FBXO7: variants seen among roughly 807,000 people sequenced by gnomAD.
FBXO7 encodes the protein F-box protein 7, also known as F-box only protein 7.
Under a neutral mutation model 50.2 loss-of-function variants are expected in FBXO7, and 31 were observed. The ratio of observed to expected loss-of-function variants is 0.62; its 90% CI spans 0.46 to 0.83. The LOEUF is 0.83. FBXO7 is among the 40% of genes least tolerant of loss of function. FBXO7 has a pLI of 0.00. For synonymous variants in FBXO7, 256 were observed against 253.1 expected, an observed-to-expected ratio of 1.01 and a Z score of -0.11; for missense variants, 667 against 646.6, an observed-to-expected ratio of 1.03 and a Z score of -0.34.
intron 1 of FBXO7, chr22:32,475,667 T>G: frequency 2.1e-6 from 1 of 466,558 alleles, no homozygotes; most frequent in Non-Finnish European, 3.7e-6. Context: ...AATTTTAGAT[T>G]CTGTTGTGTT....
chr22:32,496,806 A>G (rs116258054), intron 8 of FBXO7, among the ~76,000 whole-genome samples: 1,824 of 152,342 alleles, frequency 0.012, 46 homozygotes, highest in African/African-American at 0.042. Flanking sequence ...TAAGAAATAC[A>G]TTTTGTCAGG....
chr22:32,479,851 A>C (rs1454890369), intron 2 of FBXO7, among the ~76,000 whole-genome samples: 1 of 152,138 alleles, frequency 6.6e-6, no homozygotes, highest in Non-Finnish European at 1.5e-5. Flanking sequence ...TCCTAAGCTC[A>C]TGATTCCTAG....
chr22:32,476,685 G>GT (rs143664909), intron 1 of FBXO7, among the ~76,000 whole-genome samples: 21,188 of 152,094 alleles, frequency 0.14, 1,952 homozygotes, highest in Non-Finnish European at 0.22. Flanking sequence ...TTTTGTTTTT[G>GT]TTTTTTAAGA....
Position 32,491,133 on chromosome 22 carries a change from C to G in FBXO7, c.919C>G (p.Leu307Val), listed in dbSNP as rs1448196696. 1.2e-6 allele frequency: 2 copies of G among 1,613,374 alleles called. No homozygotes were observed. The highest frequency in any genetic ancestry group is 1.7e-6 in the Non-Finnish European group (2 of 1,179,494). Reference protein sequence around the residue: ...IYKDLQKLSRLFKDQLVYPLL... With the variant: ...IYKDLQKLSRVFKDQLVYPLL... The stretch of plus-strand genomic sequence containing the variant: ...CAAAGATCTTCAGAAACTCTCTCGC[C>G]TCTTTAAAGACCAGCTGGTGTATCC... Residue 307 changes from leucine to valine, a missense_variant, in exon 6 of 9, where the codon CTC becomes GTC. Physicochemically the swap from Leu to Val is conservative, Grantham distance 32. Coordinates refer to ENST00000266087, the MANE Select transcript of FBXO7 (RefSeq NM_012179.4).
chr22:32,484,427 G>C (rs1161497052), intron 3 of FBXO7, among the ~76,000 whole-genome samples: 1 of 152,176 alleles, frequency 6.6e-6, no homozygotes, highest in East Asian at 1.9e-4. Flanking sequence ...TCATACTCCT[G>C]CATAATACCA....
intron 1 of FBXO7, chr22:32,478,067 G>C (rs1035682832): frequency 6.6e-6 from 1 of 152,294 alleles, no homozygotes; most frequent in Non-Finnish European, 1.5e-5. Context: ...AGATCTGGAA[G>C]AACAAACGGA....
chr22:32,475,253 G>C, intron 1 of FBXO7, 129 bp downstream of exon 1: 1 of 1,544,818 alleles, frequency 6.5e-7, no homozygotes, highest in Non-Finnish European at 8.7e-7. Context: ...GTGCGGGGAC[G>C]CCGGGGGGGC....
intron 2 of FBXO7, among the ~76,000 whole-genome samples, chr22:32,480,643 T>C (rs983298573): frequency 6.6e-6 from 1 of 152,086 alleles, no homozygotes; most frequent in African/African-American, 2.4e-5. Flanking sequence ...TTATCTTTAT[T>C]GCCTTGTACA....
rs750069504 is a variant in FBXO7, at chr22:32,479,023, C to G, written c.165C>G (p.Pro55=). ...CAATTACATTGAACTACAAGGATCC[C>G]CTCACTGGAGATGAAGAGACCTTGG... ...RFTITLNYKD[P]LTGDEETLAS... The change falls in exon 2 of 9, where the codon CCC becomes CCG. Residue 55 remains proline, a synonymous_variant. Transcript: ENST00000266087. The G allele has an allele frequency of 2.5e-6, 4 of 1,614,184 alleles. No homozygotes were observed. The South Asian group carries it at 4.4e-5, about 18-fold the overall frequency.
At chr22:32,487,115 C>T (rs1181848323) in intron 4 of FBXO7, among the ~76,000 whole-genome samples, 2 of 152,222 alleles carry the variant, frequency 1.3e-5, no homozygotes, top group South Asian at 2.1e-4. Flanking sequence ...GGCAGCCAGC[C>T]GTTCCAGGAT....
intron 8 of FBXO7, among the ~76,000 whole-genome samples, chr22:32,497,521 T>G (rs1295560424): frequency 1.3e-5 from 2 of 152,246 alleles, no homozygotes. Flanking sequence ...TGCCACATTT[T>G]CTTTATCAGT....
At position 32,474,951 on chromosome 22, in the gene FBXO7, C is replaced by A; in HGVS notation, c.-52C>A. 1 of 1,497,122 alleles carries A rather than the reference C, an allele frequency of 6.7e-7. No individual in the cohort carries two copies. The highest frequency in any genetic ancestry group is 8.9e-7 in the Non-Finnish European group (1 of 1,125,538). 92.7% of individuals were successfully genotyped at this position (1,497,122 alleles called of 1,614,324 possible). A position where few individuals can be genotyped will look rare whatever the true frequency, so the allele number is the denominator to read the frequency against. On this transcript the variant is annotated 5_prime_UTR_variant, in exon 1 of 9. Transcript: ENST00000266087. ...GGCGGGAGCTGCTCGGCCCCGCCGC[C>A]GTCCCCGTCGCCGCTTCCGGGTCCA...
At chr22:32,494,846 TGTA>T (rs2057562116) in intron 7 of FBXO7, among the ~76,000 whole-genome samples, 1 of 152,264 alleles carries the variant, frequency 6.6e-6, no homozygotes. Flanking sequence ...TCCATGCTAA[TGTA>T]GTAACTTGTA....
chr22:32,494,897 CTTAAAG>C (rs2057562636), intron 7 of FBXO7, among the ~76,000 whole-genome samples: 1 of 152,146 alleles, frequency 6.6e-6, no homozygotes, highest in Non-Finnish European at 1.5e-5. Flanking sequence ...CTTTTGTATA[CTTAAAG>C]TTGAATGGGT....
In FBXO7 at chr22:32,498,414, G is replaced by A. The variant is rs141286570; in HGVS notation, c.1453G>A (p.Val485Ile). 7.2e-4 allele frequency: 1,162 copies of A among 1,614,182 alleles called. 2 individuals are homozygous for A. Among genetic ancestry groups the A allele is most frequent in the Non-Finnish European group, 9.3e-4 (1,096 of 1,180,026 alleles). ...TCCACTGAGACCACGCTTTGATCCA[G>A]TTGGCCCACTTCCAGGACCTAACCC... The part of the protein sequence containing the change: ...FPPLRPRFDP[V>I]GPLPGPNPIL... Residue 485 changes from valine to isoleucine, a missense_variant, in exon 9 of 9, where the codon GTT (valine) becomes ATT (isoleucine). Val to Ile is a conservative substitution (Grantham distance 29). Transcript: ENST00000266087.
chr22:32,474,950 C>G lies in FBXO7; in HGVS notation c.-53C>G. The G allele has an allele frequency of 1.3e-6, 2 of 1,495,682 alleles. No homozygotes were observed. The highest frequency in any genetic ancestry group is 2.9e-5 in the African/African-American group (2 of 69,486). The allele number at this position is 1,495,682 out of a possible 1,614,324, so 92.7% of individuals were successfully genotyped here. On this transcript the variant is annotated 5_prime_UTR_variant, in exon 1 of 9. Coordinates refer to ENST00000266087, the MANE Select transcript of FBXO7 (RefSeq NM_012179.4). ...GGGCGGGAGCTGCTCGGCCCCGCCG[C>G]CGTCCCCGTCGCCGCTTCCGGGTCC...
intron 5 of FBXO7, chr22:32,490,759 T>C (rs2145999787): frequency 3.3e-6 from 1 of 302,746 alleles, no homozygotes; most frequent in Admixed American, 4.8e-5. Context: ...CACTGTATCC[T>C]TAGTGCCCAG....
chr22:32,495,396 T>A, intron 7 of FBXO7, 97 bp from the exon 8 acceptor site: 1 of 702,830 alleles, frequency 1.4e-6, no homozygotes, highest in Non-Finnish European at 2.5e-6. Flanking sequence ...GCTTAACGGG[T>A]AAGTTTCACT....
intron 2 of FBXO7, among the ~76,000 whole-genome samples, chr22:32,481,704 T>C (rs549184773): frequency 7.9e-5 from 12 of 152,182 alleles, no homozygotes; most frequent in Non-Finnish European, 1.2e-4. Context: ...TAATTAAATA[T>C]CAGTTTTCTT....
Sources: gnomAD v4.1 joint callset for allele counts (sites outside exome capture counted in the v4.1 genomes callset) on GRCh38, gnomAD v4.1.1 for gene constraint, MANE v1.5 for transcripts, NCBI Gene and HGNC (gene_info 2026-07-23, HGNC 2026-07-21) for gene names.